The following SLC25A32 variants were observed in gnomAD, a reference collection of about 807,000 sequenced individuals.
The protein encoded by SLC25A32 is Glycine auxotroph B, complementation of hamster.
SLC25A32 carries 32 observed loss-of-function variants against 39.0 expected under a neutral mutation model. That is an observed-to-expected ratio of 0.82 (90% confidence interval 0.62 to 1.10). SLC25A32 has a LOEUF of 1.10. Ranked by LOEUF, SLC25A32 falls within the 50% of genes least tolerant of loss-of-function variation. The probability of loss-of-function intolerance (pLI) is 0.00; values close to 1 mark genes in which losing one functional copy is unlikely to be tolerated. For synonymous variants in SLC25A32, 166 were observed against 152.4 expected (o/e 1.09, Z -0.66); for missense variants, 367 against 395.3 (o/e 0.93, Z 0.61).
intron 6 of SLC25A32, 80 bp from the exon 7 acceptor site, chr8:103,400,626 A>G: frequency 6.9e-7 from 1 of 1,439,460 alleles, no homozygotes; most frequent in Non-Finnish European, 9.6e-7. Flanking sequence ...GACACAAGGC[A>G]TGGAGCAAGC....
Position 103,398,752 on chromosome 8 carries a change from TG to T in SLC25A32, c.*1658del, listed in dbSNP as rs1816156074. ...TCAACTGCAGTTCACTTTTTCCGTG[TG>T]GGGACTAATATCAAGATTTCATATG... On this transcript the variant is annotated 3_prime_UTR_variant, in exon 7 of 7. Transcript: ENST00000297578. The T allele has an allele frequency of 6.6e-6, 1 of 152,208 alleles. No individual in the cohort carries two copies. Among genetic ancestry groups the T allele is most frequent in the Non-Finnish European group, 1.5e-5 (1 of 68,044 alleles). 9.4% of individuals were successfully genotyped at this position (152,208 alleles called of 1,614,324 possible).
Position 103,400,340 on chromosome 8 carries a change from C to A in SLC25A32, c.*71G>T, listed in dbSNP as rs564274491. On this transcript the variant is annotated 3_prime_UTR_variant, in exon 7 of 7. Transcript: ENST00000297578. ...AGCCATGTTTCTATGCAGAATTCTTCTTTTATGCCTTAAACACAAAAGAGC... is the reference window on the plus strand; with the variant it reads ...AGCCATGTTTCTATGCAGAATTCTTATTTTATGCCTTAAACACAAAAGAGC... 2 of 1,557,958 alleles carry A rather than the reference C, an allele frequency of 1.3e-6. No homozygotes were observed. Among genetic ancestry groups the A allele is most frequent in the South Asian group, 1.2e-5 (1 of 86,910 alleles).
chr8:103,412,223 C>T (rs1816481980), intron 1 of SLC25A32, among the ~76,000 whole-genome samples: 1 of 152,202 alleles, frequency 6.6e-6, no homozygotes, highest in Non-Finnish European at 1.5e-5. Context: ...CACAACTTTA[C>T]TCGGCACTAC....
At chr8:103,403,667 T>C (rs1172559422) in intron 3 of SLC25A32, among the ~76,000 whole-genome samples, 1 of 152,144 alleles carries the variant, frequency 6.6e-6, no homozygotes, top group South Asian at 2.1e-4. Context: ...GGTAAGCAGA[T>C]ACAGACCTTA....
intron 6 of SLC25A32, among the ~76,000 whole-genome samples, chr8:103,400,994 T>C (rs1816207037): frequency 6.6e-6 from 1 of 152,226 alleles, no homozygotes. Context: ...CATTAAATAT[T>C]TCTTGAATTG....
intron 1 of SLC25A32, among the ~76,000 whole-genome samples, chr8:103,412,677 G>GT (rs1271198669): frequency 3.9e-5 from 6 of 152,026 alleles, no homozygotes; most frequent in Non-Finnish European, 5.9e-5. Flanking sequence ...ATATCTTGAG[G>GT]TTTTTTTCTC....
rs749320247 is a variant in SLC25A32, at chr8:103,401,712, A to C, written c.667-51T>G. The stretch of plus-strand genomic sequence containing the variant: ...TTTCTTTAGACAGGATTTCTTTAAA[A>C]ATACAGAAGTAAAAATTATATACAA... On this transcript the variant is annotated intron_variant, in intron 5 of 6. Transcript: ENST00000297578. 8.9e-6 allele frequency: 13 copies of C among 1,459,914 alleles called. No individual in the cohort carries two copies. The African/African-American group carries it at 1.9e-4, about 21-fold the overall frequency. 90.4% of individuals were successfully genotyped at this position (1,459,914 alleles called of 1,614,324 possible).
At chr8:103,400,974 C>G (rs1007150049) in intron 6 of SLC25A32, among the ~76,000 whole-genome samples, 1 of 152,178 alleles carries the variant, frequency 6.6e-6, no homozygotes, top group Non-Finnish European at 1.5e-5. Flanking sequence ...AAATTTGTCA[C>G]TTAGGTGCTC....
Position 103,415,052 on chromosome 8 carries a change from C to T in SLC25A32, c.-115G>A, listed in dbSNP as rs941958180. 2 of 1,598,228 alleles carry T rather than the reference C, an allele frequency of 1.3e-6. No homozygotes were observed. The highest frequency in any genetic ancestry group is 1.7e-6 in the Non-Finnish European group (2 of 1,172,814). ...GTGAGCGCAACCCCACCTCCGGGAC[C>T]AACGAGAGGACTCTTATGCCCAAGG... is the stretch of plus-strand genomic sequence containing the variant. On this transcript the variant is annotated 5_prime_UTR_variant, in exon 1 of 7. Coordinates refer to ENST00000297578, the MANE Select transcript of SLC25A32 (RefSeq NM_030780.5).
At chr8:103,401,718 G>A in intron 5 of SLC25A32, 57 bp from the exon 6 acceptor site, 4 of 1,436,650 alleles carry the variant, frequency 2.8e-6, no homozygotes, top group Non-Finnish European at 3.8e-6. Context: ...TAAAAATACA[G>A]AAGTAAAAAT....
intron 2 of SLC25A32, among the ~76,000 whole-genome samples, chr8:103,407,294 T>C (rs1350555630): frequency 6.6e-6 from 1 of 152,230 alleles, no homozygotes; most frequent in African/African-American, 2.4e-5. Flanking sequence ...ACATTTCATC[T>C]TCCTGAATTC....
In SLC25A32 at chr8:103,399,606, A is replaced by G. The variant is rs1403804292; in HGVS notation, c.*805T>C. ...CATTTTTTCTCACTAAAATTTCCCA[A>G]TTCTAAAATGGTCTGGCCAGGCGCA... On this transcript the variant is annotated 3_prime_UTR_variant, in exon 7 of 7. Transcript: ENST00000297578. 1 of 152,230 alleles carries G rather than the reference A, an allele frequency of 6.6e-6. No homozygotes were observed. The highest frequency in any genetic ancestry group is 1.9e-4 in the East Asian group (1 of 5,204). The allele number at this position is 152,230 out of a possible 1,614,324, so 9.4% of individuals were successfully genotyped here.
At chr8:103,410,279 G>A (rs1437220921) in intron 1 of SLC25A32, among the ~76,000 whole-genome samples, 1 of 152,138 alleles carries the variant, frequency 6.6e-6, no homozygotes, top group Non-Finnish European at 1.5e-5. Flanking sequence ...CCAACTCCGG[G>A]TACCAATCCA....
Position 103,402,010 on chromosome 8 carries a change from C to A in SLC25A32, c.597G>T (p.Gln199His). Residue 199 changes from glutamine to histidine, a missense_variant, in exon 5 of 7, where the codon CAG becomes CAT. Coordinates refer to ENST00000297578, the MANE Select transcript of SLC25A32 (RefSeq NM_030780.5). ...GLFGTSHGAL[Q>H]FMAYELLKLK... ...ACTTCAGCAATTCATATGCCATAAA[C>A]TGAAGGGCACCATGCGATGTTCCAA... 1 of 1,613,274 alleles carries A rather than the reference C, an allele frequency of 6.2e-7. No homozygotes were observed. The highest frequency in any genetic ancestry group is 8.5e-7 in the Non-Finnish European group (1 of 1,179,564).
rs1816566925 is a variant in SLC25A32, at chr8:103,415,001, C to T, written c.-64G>A. On this transcript the variant is annotated 5_prime_UTR_variant, in exon 1 of 7. Coordinates refer to ENST00000297578, the MANE Select transcript of SLC25A32 (RefSeq NM_030780.5). ...CGGAGGTGGGACGCGATGCAGTGGC[C>T]GCCACCGTGGCGACGGTCGCCCCTT... The T allele has an allele frequency of 1.9e-6, 3 of 1,584,760 alleles. No homozygotes were observed. Among genetic ancestry groups the T allele is most frequent in the Non-Finnish European group, 2.6e-6 (3 of 1,165,174 alleles).
At chr8:103,407,170 G>A (rs1816352255) in intron 2 of SLC25A32, among the ~76,000 whole-genome samples, 1 of 152,102 alleles carries the variant, frequency 6.6e-6, no homozygotes, top group Non-Finnish European at 1.5e-5. Flanking sequence ...AAACACCGAT[G>A]GGGCCCTACA....
intron 1 of SLC25A32, among the ~76,000 whole-genome samples, chr8:103,412,163 G>C (rs3098242): frequency 6.6e-6 from 1 of 151,956 alleles, no homozygotes; most frequent in African/African-American, 2.4e-5. Context: ...CAAGCACTCT[G>C]TAAGTACTAG....
At chr8:103,413,185 T>G (rs985806488) in intron 1 of SLC25A32, among the ~76,000 whole-genome samples, 1 of 152,238 alleles carries the variant, frequency 6.6e-6, no homozygotes, top group East Asian at 1.9e-4. Flanking sequence ...AGGAATGATA[T>G]GCTTCAAAGC....
rs772716793 is a variant in SLC25A32, at chr8:103,402,065, A to G, written c.553-11T>C. 4 of 1,572,284 alleles carry G rather than the reference A, an allele frequency of 2.5e-6. No homozygotes were observed. The highest frequency in any genetic ancestry group is 2.7e-5 in the African/African-American group (2 of 73,344). ...CCCAGGAACAAATCCCTACAAGGGA[A>G]TGATTTTTAAAAAGCAAAACAACAT... On this transcript the variant is annotated splice_polypyrimidine_tract_variant and intron_variant, in intron 4 of 6. Coordinates refer to ENST00000297578, the MANE Select transcript of SLC25A32 (RefSeq NM_030780.5).
Sources: gnomAD v4.1 joint callset for allele counts (sites outside exome capture counted in the v4.1 genomes callset) on GRCh38, gnomAD v4.1.1 for gene constraint, MANE v1.5 for transcripts, NCBI Gene and HGNC (gene_info 2026-07-23, HGNC 2026-07-21) for gene names.